Variants in KMT2C observed in about 807,000 individuals in gnomAD.
KMT2C encodes the protein lysine methyltransferase 2C.
KMT2C carries 88 observed loss-of-function variants against 507.9 expected under a neutral mutation model. That is an observed-to-expected ratio of 0.17 (90% confidence interval 0.15 to 0.21). The LOEUF (loss-of-function observed/expected upper bound fraction) is 0.21. Ranked by LOEUF, KMT2C falls within the 10% of genes least tolerant of loss-of-function variation. The probability of loss-of-function intolerance (pLI) is 1.00; values close to 1 mark genes in which losing one functional copy is unlikely to be tolerated. For synonymous variants in KMT2C, 2,049 were observed against 2,080.8 expected (o/e 0.98, Z 0.42); for missense variants, 4,954 against 5,957.8 (o/e 0.83, Z 5.55).
chr7:152,217,508 G>T (rs1013583575), intron 23 of KMT2C, among the ~76,000 whole-genome samples: 4 of 152,122 alleles, frequency 2.6e-5, no homozygotes, highest in Non-Finnish European at 5.9e-5. Context: ...AAATGAACAT[G>T]AGGGACTAGT....
chr7:152,421,194 A>G (rs1218399702), intron 1 of KMT2C, among the ~76,000 whole-genome samples: 3 of 152,188 alleles, frequency 2.0e-5, no homozygotes, highest in African/African-American at 7.2e-5. Flanking sequence ...ACAATGAGAT[A>G]CCATCTCACA....
intron 1 of KMT2C, among the ~76,000 whole-genome samples, chr7:152,370,826 T>C (rs1051846228): frequency 3.3e-5 from 5 of 152,198 alleles, no homozygotes; most frequent in African/African-American, 7.2e-5. Context: ...TATCGGAACA[T>C]AGCCATGTAT....
chr7:152,386,943 TTAGAG>T (rs2097434220), intron 1 of KMT2C, among the ~76,000 whole-genome samples: 2 of 152,180 alleles, frequency 1.3e-5, no homozygotes, highest in East Asian at 1.9e-4. Context: ...GATTTCTAAC[TTAGAG>T]TAGATACATT....
At chr7:152,301,994 T>C (rs1054638807) in intron 6 of KMT2C, among the ~76,000 whole-genome samples, 18 of 152,312 alleles carry the variant, frequency 1.2e-4, no homozygotes, top group African/African-American at 4.1e-4. Flanking sequence ...TTAATGTGAA[T>C]TGCCACCTTA....
At chr7:152,210,953 C>T (rs199752818) in intron 23 of KMT2C, among the ~76,000 whole-genome samples, 1 of 152,078 alleles carries the variant, frequency 6.6e-6, no homozygotes, top group Admixed American at 6.6e-5. Flanking sequence ...TCTGGAAAAA[C>T]AGAGGGAATT....
intron 6 of KMT2C, among the ~76,000 whole-genome samples, chr7:152,297,051 A>AAGAAAGAAAG (rs1356233143): frequency 3.3e-5 from 2 of 60,240 alleles, no homozygotes; most frequent in Non-Finnish European, 6.7e-5. Context: ...GAAAGAAAGA[A>AAGAAAGAAAG]AGACAGAGAG....
chr7:152,137,048 T>C, intron 58 of KMT2C, 124 bp from the exon 59 acceptor site: 1 of 724,232 alleles, frequency 1.4e-6, no homozygotes. Context: ...AAGACCTGAT[T>C]TATTGAGGTT....
chr7:152,221,920 G>C, intron 22 of KMT2C, 81 bp downstream of exon 22: 1 of 991,552 alleles, frequency 1.0e-6, no homozygotes, highest in Non-Finnish European at 1.6e-6. Context: ...GATTGAAGCA[G>C]GTTTGACAAG....
rs1366451678 is a variant in KMT2C, at chr7:152,162,821, T to C, written c.10756A>G (p.Thr3586Ala). The C allele has an allele frequency of 6.2e-7, 1 of 1,614,184 alleles. No homozygotes were observed. The highest frequency in any genetic ancestry group is 8.5e-7 in the Non-Finnish European group (1 of 1,180,030). ...ITHGHSYPGS[T>A]QSLIQLYSDI... ...GAATACAACTGAATGAGCGATTGGG[T>C]TGATCCCGGATAACTGTGTCCATGG... The change falls in exon 43 of 59, where the codon ACC becomes GCC. Residue 3586 changes from threonine (T) to alanine (A), a missense_variant. Around this residue, in one of 29 missense-constraint regions of KMT2C, gnomAD observed 801 missense variants for 751.2 expected, o/e 1.07. Transcript: ENST00000262189.
chr7:152,221,517 T>A lies in KMT2C; in HGVS notation c.3499+484A>T, dbSNP rs529101155. 3.3e-5 allele frequency among the ~76,000 whole-genome samples: 5 copies of A among 152,346 alleles called. No homozygotes were observed. In the East Asian group the frequency reaches 9.6e-4, roughly 29 times the overall value. Reference sequence around the variant, plus strand: ...TTTAATTTTAAATGTACAAAACTGTTGTTCCTTAGAACAATTCCTGTACTA... The same window carrying A: ...TTTAATTTTAAATGTACAAAACTGTAGTTCCTTAGAACAATTCCTGTACTA... On this transcript the variant is annotated intron_variant, in intron 22 of 58. Transcript: ENST00000262189.
chr7:152,242,870 A>C (rs542423353), intron 14 of KMT2C, among the ~76,000 whole-genome samples: 102 of 152,296 alleles, frequency 6.7e-4, no homozygotes, highest in Non-Finnish European at 1.3e-3. Context: ...CCAAATCCTA[A>C]ATCAACCCCA....
intron 1 of KMT2C, among the ~76,000 whole-genome samples, chr7:152,384,546 T>TAACACC (rs2097403135): frequency 1.8e-4 from 3 of 17,104 alleles, no homozygotes; most frequent in Non-Finnish European, 3.8e-4. Context: ...CCCATGTGCA[T>TAACACC]AACACCACCA....
intron 3 of KMT2C, among the ~76,000 whole-genome samples, chr7:152,319,062 CTT>C (rs1189385337): frequency 6.6e-6 from 1 of 152,052 alleles, no homozygotes; most frequent in Non-Finnish European, 1.5e-5. Context: ...TTAATATAAA[CTT>C]TGTTTCAAGC....
intron 26 of KMT2C, 152 bp downstream of exon 26, chr7:152,202,782 C>A: frequency 1.6e-6 from 1 of 635,532 alleles, no homozygotes; most frequent in South Asian, 2.4e-5. Context: ...TTTTTATGGA[C>A]CCCTGAAAGG....
At chr7:152,164,640 C>T (rs1002588387) in intron 42 of KMT2C, among the ~76,000 whole-genome samples, 2 of 152,184 alleles carry the variant, frequency 1.3e-5, no homozygotes, top group Non-Finnish European at 2.9e-5. Flanking sequence ...TCACACCCCC[C>T]ACCCAGATTA....
intron 26 of KMT2C, among the ~76,000 whole-genome samples, chr7:152,201,279 CACATACAGACACAG>C (rs1563368035): frequency 1.4e-5 from 2 of 142,646 alleles, no homozygotes; most frequent in African/African-American, 5.6e-5. Context: ...CCTCATGTCA[CACATACAGACACAG>C]ACACACACAC....
At chr7:152,354,986 A>G (rs1387856424) in intron 2 of KMT2C, among the ~76,000 whole-genome samples, 1 of 152,238 alleles carries the variant, frequency 6.6e-6, no homozygotes, top group Non-Finnish European at 1.5e-5. Context: ...ATGAAAAGGA[A>G]AAAGACCAGT....
intron 6 of KMT2C, among the ~76,000 whole-genome samples, chr7:152,290,276 ATATATATATATATATATATT>A (rs2096396411): frequency 3.7e-5 from 1 of 27,254 alleles, no homozygotes. Flanking sequence ...ATATATATAT[ATATATATATATATATATATT>A]TTTTTTTTTT....
intron 3 of KMT2C, among the ~76,000 whole-genome samples, chr7:152,320,870 C>G (rs576268530): frequency 6.6e-6 from 1 of 152,006 alleles, no homozygotes; most frequent in South Asian, 2.1e-4. Flanking sequence ...TAGCAAGTGA[C>G]CAACATCATG....
Sources: gnomAD v4.1 joint callset for allele counts (sites outside exome capture counted in the v4.1 genomes callset) on GRCh38, gnomAD v4.1.1 for gene constraint, gnomAD v4.1.1 regional missense constraint, MANE v1.5 for transcripts, NCBI Gene and HGNC (gene_info 2026-07-23, HGNC 2026-07-21) for gene names.